The following NEK11 variants were observed in gnomAD, a reference collection of about 807,000 sequenced individuals.
NEK11 encodes NIMA related kinase 11.
In NEK11, 72 loss-of-function variants were observed where a neutral mutation model predicts 80.7. The observed-to-expected ratio is 0.89, with a 90% CI of 0.74 to 1.08. The LOEUF is 1.08. NEK11 is among the 50% of genes least tolerant of loss of function. The probability of loss-of-function intolerance (pLI) is 0.00; values close to 1 mark genes in which losing one functional copy is unlikely to be tolerated. For missense variants in NEK11, 764 were observed against 763.6 expected, an observed-to-expected ratio of 1.00 and a Z score of -0.01; for synonymous variants, 251 against 260.7, an observed-to-expected ratio of 0.96 and a Z score of 0.36.
At chr3:131,110,190 C>T (rs1249589857) in intron 5 of NEK11, among the ~76,000 whole-genome samples, 2 of 152,102 alleles carry the variant, frequency 1.3e-5, no homozygotes, top group African/African-American at 4.8e-5. Flanking sequence ...TTCATTATGT[C>T]TGATCATGTC....
chr3:131,132,473 A>G (rs1053410628), intron 5 of NEK11, among the ~76,000 whole-genome samples: 2 of 152,088 alleles, frequency 1.3e-5, no homozygotes, highest in African/African-American at 2.4e-5. Context: ...CTACAAAAAC[A>G]TAATAAAATA....
chr3:131,268,331 C>A (rs2096105529), intron 16 of NEK11, among the ~76,000 whole-genome samples: 1 of 152,130 alleles, frequency 6.6e-6, no homozygotes, highest in Non-Finnish European at 1.5e-5. Context: ...GAGTTGTGAT[C>A]CTTTGGAGGG....
At chr3:131,177,657 C>T (rs910782040) in intron 14 of NEK11, among the ~76,000 whole-genome samples, 1 of 152,188 alleles carries the variant, frequency 6.6e-6, no homozygotes, top group African/African-American at 2.4e-5. Flanking sequence ...CCTATGCTGC[C>T]TTACAGTACT....
chr3:131,343,625 C>A (rs1582489709), intron 17 of NEK11, among the ~76,000 whole-genome samples: 1 of 152,202 alleles, frequency 6.6e-6, no homozygotes, highest in Admixed American at 6.5e-5. Context: ...TCTCTGAAAC[C>A]TAGGAAGATG....
In NEK11 at chr3:131,115,919, TTTCTTTC is replaced by T. The variant is rs2080989504; in HGVS notation, c.455+6001_455+6007del. Among the ~76,000 whole-genome samples, 3 of 88,372 alleles carry T rather than the reference TTTCTTTC, an allele frequency of 3.4e-5. No individual in the cohort carries two copies. The East Asian group carries it at 9.3e-4, about 27-fold the overall frequency. The allele number at this position is 88,372 out of a possible 152,430, so 58.0% of individuals were successfully genotyped here. ...AGGTAGTGTTTTCTTTCTTTCTTTC[TTTCTTTC>T]TTTCTTTCTTTCTTTCTTTCTTTCT... On this transcript the variant is annotated intron_variant, in intron 5 of 17. Coordinates refer to ENST00000383366, the MANE Select transcript of NEK11 (RefSeq NM_024800.5).
chr3:131,322,403 A>G (rs1415471174), intron 17 of NEK11, among the ~76,000 whole-genome samples: 1 of 152,184 alleles, frequency 6.6e-6, no homozygotes, highest in East Asian at 1.9e-4. Flanking sequence ...TATACAGTAT[A>G]CCCATGTAAC....
At chr3:131,031,610 T>A (rs2109297696) in intron 3 of NEK11, among the ~76,000 whole-genome samples, 1 of 151,622 alleles carries the variant, frequency 6.6e-6, no homozygotes, top group South Asian at 2.1e-4. Context: ...AATAAGTGAG[T>A]GGAGAGAGTG....
At chr3:131,333,363 A>C (rs2097127387) in intron 17 of NEK11, among the ~76,000 whole-genome samples, 1 of 152,218 alleles carries the variant, frequency 6.6e-6, no homozygotes. Context: ...TATCCAGCCA[A>C]ACCAAGCTTC....
In NEK11 at chr3:131,320,458, A is replaced by G. The variant is rs531524435; in HGVS notation, c.1719-29099A>G. On this transcript the variant is annotated intron_variant, in intron 17 of 17. Coordinates refer to ENST00000383366, the MANE Select transcript of NEK11 (RefSeq NM_024800.5). ...AACAGTAGACTAATTAATACTAACA[A>G]TGTGTTAAAAATCAAAACTATTATT... Among the ~76,000 whole-genome samples, 33 of 152,192 alleles carry G rather than the reference A, an allele frequency of 2.2e-4. No homozygotes were observed. The South Asian group carries it at 6.4e-3, about 30-fold the overall frequency.
chr3:131,186,416 C>T (rs1054839865), intron 14 of NEK11, among the ~76,000 whole-genome samples: 2 of 152,052 alleles, frequency 1.3e-5, no homozygotes, highest in African/African-American at 4.8e-5. Flanking sequence ...GAATTAGAGC[C>T]AAGGCCCTAC....
chr3:131,097,147 G>A (rs1253380859), intron 4 of NEK11, among the ~76,000 whole-genome samples: 1 of 151,632 alleles, frequency 6.6e-6, no homozygotes, highest in African/African-American at 2.4e-5. Flanking sequence ...TTGGACATTT[G>A]GGTTGGTTCC....
At chr3:131,259,581 G>A (rs140799421) in intron 16 of NEK11, among the ~76,000 whole-genome samples, 1 of 152,288 alleles carries the variant, frequency 6.6e-6, no homozygotes, top group East Asian at 1.9e-4. Flanking sequence ...GACAGAAGGA[G>A]AAGGATGCAG....
chr3:131,142,778 A>G (rs150961209), intron 7 of NEK11, among the ~76,000 whole-genome samples: 11 of 152,078 alleles, frequency 7.2e-5, no homozygotes, highest in African/African-American at 2.7e-4. Flanking sequence ...TGTTCTCCTC[A>G]CTCACTGGTT....
chr3:131,052,775 C>T (rs1025818828), intron 3 of NEK11, among the ~76,000 whole-genome samples: 1 of 152,142 alleles, frequency 6.6e-6, no homozygotes, highest in African/African-American at 2.4e-5. Flanking sequence ...ACCCTCTGAC[C>T]TAAAGCCCTA....
At chr3:131,091,146 C>T (rs1411207265) in intron 4 of NEK11, among the ~76,000 whole-genome samples, 2 of 152,176 alleles carry the variant, frequency 1.3e-5, no homozygotes, top group South Asian at 4.1e-4. Context: ...GGAAGAATAA[C>T]TTAAGAAGCA....
At chr3:131,223,324 G>A (rs2095087356) in intron 14 of NEK11, among the ~76,000 whole-genome samples, 1 of 152,146 alleles carries the variant, frequency 6.6e-6, no homozygotes, top group Admixed American at 6.6e-5. Context: ...AAGAAATACT[G>A]GAGACAGATT....
At chr3:131,194,345 T>C (rs183479008) in intron 14 of NEK11, among the ~76,000 whole-genome samples, 1 of 152,326 alleles carries the variant, frequency 6.6e-6, no homozygotes. Flanking sequence ...TAGTTGAATG[T>C]ACAGCAATAG....
At chr3:131,314,987 C>T (rs532655611) in intron 17 of NEK11, among the ~76,000 whole-genome samples, 30 of 152,160 alleles carry the variant, frequency 2.0e-4, no homozygotes, top group African/African-American at 6.3e-4. Context: ...TATTTCACTT[C>T]TTTTTTATTG....
chr3:131,230,030 A>G (rs1052167930), intron 15 of NEK11, among the ~76,000 whole-genome samples: 6 of 152,162 alleles, frequency 3.9e-5, no homozygotes, highest in African/African-American at 1.4e-4. Context: ...AACAACTGTA[A>G]CGGATATTAT....
Sources: gnomAD v4.1 joint callset for allele counts (sites outside exome capture counted in the v4.1 genomes callset) on GRCh38, gnomAD v4.1.1 for gene constraint, MANE v1.5 for transcripts, NCBI Gene and HGNC (gene_info 2026-07-23, HGNC 2026-07-21) for gene names.